The following SOBP variants were observed in gnomAD, a reference collection of about 807,000 sequenced individuals.
SOBP encodes the protein sine oculis binding protein homolog.
In SOBP, 4 loss-of-function variants were observed where a neutral mutation model predicts 53.6. The ratio of observed to expected loss-of-function variants is 0.07; its 90% CI spans 0.04 to 0.17. SOBP has a LOEUF of 0.17. Ranked by LOEUF, SOBP falls within the 10% of genes least tolerant of loss-of-function variation. SOBP has a pLI of 1.00. For missense variants in SOBP, 1,088 were observed against 1,204.7 expected, an observed-to-expected ratio of 0.90 and a Z score of 1.43; for synonymous variants, 584 against 522.6, an observed-to-expected ratio of 1.12 and a Z score of -1.60.
rs1771006769 is a variant in SOBP at position 107,635,557 on chromosome 6, G to C, written c.*3+88G>C. ...GGCAGAGGGGAGAGTTGTAATTATAGTCATGATTTTACCGTGTGTGTTTTA... is the reference window on the plus strand; with the variant it reads ...GGCAGAGGGGAGAGTTGTAATTATACTCATGATTTTACCGTGTGTGTTTTA... On this transcript the variant is annotated intron_variant, in intron 6 of 6. Transcript: ENST00000317357. The surrounding 1 kb of genome is among the most constrained non-coding windows in gnomAD (Gnocchi z 4.5). 4 of 1,557,794 alleles carry C rather than the reference G, an allele frequency of 2.6e-6. No individual in the cohort carries two copies. The South Asian group carries it at 4.5e-5, about 17-fold the overall frequency.
Position 107,634,266 on chromosome 6 carries a change from C to T in SOBP, c.1422C>T (p.Gly474=). 1 of 1,559,598 alleles carries T rather than the reference C, an allele frequency of 6.4e-7. No individual in the cohort carries two copies. The highest frequency in any genetic ancestry group is 1.8e-5 in the Admixed American group (1 of 55,574). The part of the protein sequence containing the change: ...STPTMPGNPP[G]LLPPPPPGAP... Reference sequence around the variant, plus strand: ...CCACCATGCCCGGGAACCCCCCAGGCCTGCTGCCCCCGCCGCCTCCGGGCG... The same window carrying T: ...CCACCATGCCCGGGAACCCCCCAGGTCTGCTGCCCCCGCCGCCTCCGGGCG... Residue 474 remains glycine (G), a synonymous_variant, in exon 6 of 7, where the codon GGC becomes GGT. Transcript: ENST00000317357. This position sits in a 1 kb window ranked among gnomAD's most constrained non-coding sequence, Gnocchi z 4.5.
intron 6 of SOBP, among the ~76,000 whole-genome samples, chr6:107,655,467 G>A (rs1422624064): frequency 2.0e-5 from 3 of 152,272 alleles, no homozygotes; most frequent in Admixed American, 2.0e-4. Flanking sequence ...CTTTGTGGGT[G>A]TCCCAGACAC....
At chr6:107,592,314 T>TAG (rs1785785394) in intron 5 of SOBP, among the ~76,000 whole-genome samples, 1 of 152,152 alleles carries the variant, frequency 6.6e-6, no homozygotes, top group Non-Finnish European at 1.5e-5. Context: ...CAGTACATGT[T>TAG]AGCCTCTCAC....
chr6:107,515,002 A>G (rs1783276654), intron 3 of SOBP: 1 of 152,204 alleles, frequency 6.6e-6, no homozygotes, highest in Non-Finnish European at 1.5e-5. Flanking sequence ...TAGATTTGAC[A>G]TTTTTTAAGA....
At chr6:107,580,146 G>T (rs1169277379) in intron 4 of SOBP, among the ~76,000 whole-genome samples, 1 of 152,216 alleles carries the variant, frequency 6.6e-6, no homozygotes, top group Non-Finnish European at 1.5e-5. Flanking sequence ...TGGAGCAGAT[G>T]CCTGGGTCCA....
intron 5 of SOBP, among the ~76,000 whole-genome samples, chr6:107,596,091 A>G (rs968626950): frequency 3.9e-5 from 6 of 152,194 alleles, no homozygotes; most frequent in Admixed American, 6.5e-5. Context: ...TGCCCTGGCC[A>G]AGAGCTTTGT....
chr6:107,604,478 C>T (rs1226305376), intron 5 of SOBP, among the ~76,000 whole-genome samples: 1 of 152,132 alleles, frequency 6.6e-6, no homozygotes. Context: ...AGAGACCTGG[C>T]CACTCCTTTT....
chr6:107,577,593 A>G (rs1237905888), intron 4 of SOBP, among the ~76,000 whole-genome samples: 1 of 152,240 alleles, frequency 6.6e-6, no homozygotes, highest in Non-Finnish European at 1.5e-5. Flanking sequence ...TAGTCTGTAC[A>G]GCATCACCTA....
At chr6:107,540,959 A>G (rs1044902889) in intron 4 of SOBP, among the ~76,000 whole-genome samples, 18 of 152,256 alleles carry the variant, frequency 1.2e-4, no homozygotes, top group Non-Finnish European at 4.4e-5. Context: ...AAATTTCTTT[A>G]AAGTGACAAG....
At chr6:107,495,813 T>C (rs1583138474) in intron 1 of SOBP, among the ~76,000 whole-genome samples, 1 of 152,280 alleles carries the variant, frequency 6.6e-6, no homozygotes, top group East Asian at 1.9e-4. Context: ...TTCCCTTTTA[T>C]TTACTGACTC....
chr6:107,525,627 AT>A (rs1441467250), intron 3 of SOBP, among the ~76,000 whole-genome samples: 3 of 152,196 alleles, frequency 2.0e-5, no homozygotes, highest in Non-Finnish European at 4.4e-5. Flanking sequence ...GATTCGCAAC[AT>A]TTCTACCTTT....
chr6:107,606,070 C>CTTTTTTTTTTTTTTTTTTTTTTTT (rs11298151), intron 5 of SOBP, among the ~76,000 whole-genome samples: 1 of 62,856 alleles, frequency 1.6e-5, no homozygotes, highest in Non-Finnish European at 3.1e-5. Context: ...AGATAGGCTC[C>CTTTTTTTTTTTTTTTTTTTTTTTT]TTTTTTTTTT....
rs1783905720 is a variant in SOBP, at chr6:107,533,562, C to T, written c.525C>T (p.Ser175=). ...GAAGTGAGGTGAAAAGCTTCTGCAG[C>T]GAGAAGTGCTTTGCGGCCTGCCGAC... ...SMGSEVKSFC[S]EKCFAACRRA... is the part of the protein sequence containing the mutation. The change falls in exon 4 of 7, where the codon AGC becomes AGT. Residue 175 remains serine (S), a synonymous_variant. Coordinates refer to ENST00000317357, the MANE Select transcript of SOBP (RefSeq NM_018013.4). 4.3e-6 allele frequency: 7 copies of T among 1,614,116 alleles called. No homozygotes were observed. Among genetic ancestry groups the T allele is most frequent in the Non-Finnish European group, 5.9e-6 (7 of 1,180,008 alleles).
rs377286269 is a variant in SOBP at position 107,597,502 on chromosome 6, T to C, written c.669+10327T>C. Among the ~76,000 whole-genome samples the C allele has an allele frequency of 1.6e-4, 25 of 152,308 alleles. No individual in the cohort carries two copies. The South Asian group carries it at 5.2e-3, about 32-fold the overall frequency. On this transcript the variant is annotated intron_variant, in intron 5 of 6. Coordinates refer to ENST00000317357, the MANE Select transcript of SOBP (RefSeq NM_018013.4). Reference sequence around the variant, plus strand: ...TCCCATGTAGAAATGTGGGTATTTATATATAGGAAAAGGAAAATAAACAAG... The same window carrying C: ...TCCCATGTAGAAATGTGGGTATTTACATATAGGAAAAGGAAAATAAACAAG...
At chr6:107,653,736 G>A (rs1163847399) in intron 6 of SOBP, among the ~76,000 whole-genome samples, 2 of 152,218 alleles carry the variant, frequency 1.3e-5, no homozygotes, top group African/African-American at 4.8e-5. Flanking sequence ...GGTAGAAGTG[G>A]AATCTGCCAC....
intron 4 of SOBP, among the ~76,000 whole-genome samples, chr6:107,586,471 G>A (rs1407918573): frequency 6.6e-6 from 1 of 151,756 alleles, no homozygotes; most frequent in Non-Finnish European, 1.5e-5. Context: ...AATTAACAGC[G>A]TAGATCAAAA....
chr6:107,526,971 A>G (rs1019013744), intron 3 of SOBP, among the ~76,000 whole-genome samples: 2 of 152,204 alleles, frequency 1.3e-5, no homozygotes, highest in Non-Finnish European at 2.9e-5. Flanking sequence ...ATTAGGGATA[A>G]TTTTAGGTAC....
chr6:107,507,174 G>A (rs903954441), intron 3 of SOBP, among the ~76,000 whole-genome samples: 4 of 152,102 alleles, frequency 2.6e-5, no homozygotes, highest in Non-Finnish European at 2.9e-5. Flanking sequence ...AAGGACATGA[G>A]GCAGGCTTGG....
chr6:107,656,688 C>T (rs973681648), intron 6 of SOBP, among the ~76,000 whole-genome samples: 4 of 152,196 alleles, frequency 2.6e-5, no homozygotes, highest in Non-Finnish European at 1.5e-5. Flanking sequence ...CCACTTAGTC[C>T]TCCCAATGGG....
Sources: gnomAD v4.1 joint callset for allele counts (sites outside exome capture counted in the v4.1 genomes callset) on GRCh38, gnomAD v4.1.1 for gene constraint, Gnocchi (gnomAD v3.1) non-coding constraint, MANE v1.5 for transcripts, NCBI Gene and HGNC (gene_info 2026-07-23, HGNC 2026-07-21) for gene names.